Variants in RABGEF1 observed in about 807,000 individuals in gnomAD.
RABGEF1 encodes RAB guanine nucleotide exchange factor 1.
RABGEF1 carries 26 observed loss-of-function variants against 57.3 expected under a neutral mutation model. That is an observed-to-expected ratio of 0.45 (90% confidence interval 0.33 to 0.63). The LOEUF is 0.63. RABGEF1 is among the 20% of genes least tolerant of loss of function. The probability of loss-of-function intolerance (pLI) is 0.02; values close to 1 mark genes in which losing one functional copy is unlikely to be tolerated. For missense variants in RABGEF1, 464 were observed against 607.6 expected, an observed-to-expected ratio of 0.76 and a Z score of 2.48; for synonymous variants, 185 against 210.7, an observed-to-expected ratio of 0.88 and a Z score of 1.06.
chr7:66,759,076 A>G (rs1348381630), intron 1 of RABGEF1, among the ~76,000 whole-genome samples: 2 of 152,106 alleles, frequency 1.3e-5, no homozygotes, highest in Non-Finnish European at 1.5e-5. Context: ...ATTTCATCTC[A>G]TACGTAGATT....
At position 66,809,426 on chromosome 7, in the gene RABGEF1, G is replaced by A. The variant is rs572073813; in HGVS notation, c.*142G>A. 27 of 861,480 alleles carry A rather than the reference G, an allele frequency of 3.1e-5. No homozygotes were observed. Among genetic ancestry groups the A allele is most frequent in the African/African-American group, 1.2e-4 (7 of 57,976 alleles). 53.4% of individuals were successfully genotyped at this position (861,480 alleles called of 1,614,324 possible). A position where few individuals can be genotyped will look rare whatever the true frequency, so the allele number is the denominator to read the frequency against. On this transcript the variant is annotated 3_prime_UTR_variant, in exon 9 of 9. Transcript: ENST00000284957. Reference sequence around the variant, plus strand: ...AGGTACAGTATATGGGGATTGTTTCGTTTTTCCTAGCAGGGGAACCTTAGT... The same window carrying A: ...AGGTACAGTATATGGGGATTGTTTCATTTTTCCTAGCAGGGGAACCTTAGT...
Position 66,797,514 on chromosome 7 carries a change from C to T in RABGEF1, c.728+8C>T. ...CATTCAAAAGAGAATCAGGTAGTTG[C>T]TTATTTTGTTTTGCTTTGTAGTTAC... On this transcript the variant is annotated splice_region_variant and intron_variant, in intron 6 of 8. Transcript: ENST00000284957. 2 of 1,603,814 alleles carry T rather than the reference C, an allele frequency of 1.2e-6. No homozygotes were observed. The highest frequency in any genetic ancestry group is 2.2e-5 in the East Asian group (1 of 44,690).
At chr7:66,696,168 C>G (rs1792302007) in intron 1 of RABGEF1, among the ~76,000 whole-genome samples, 2 of 152,070 alleles carry the variant, frequency 1.3e-5, no homozygotes, top group Admixed American at 6.6e-5. Context: ...TGGGCTCAAG[C>G]TATCCTCTCG....
chr7:66,706,026 C>T (rs1477925914), intron 1 of RABGEF1, among the ~76,000 whole-genome samples: 1 of 150,948 alleles, frequency 6.6e-6, no homozygotes, highest in Non-Finnish European at 1.5e-5. Flanking sequence ...CCTCAGCCTC[C>T]CGAGTAGCTG....
intron 2 of RABGEF1, among the ~76,000 whole-genome samples, chr7:66,731,806 C>G (rs1173982075): frequency 1.3e-5 from 2 of 152,134 alleles, no homozygotes; most frequent in Admixed American, 6.6e-5. Flanking sequence ...TAGAGCTGCC[C>G]CAGACACTTT....
intron 2 of RABGEF1, among the ~76,000 whole-genome samples, chr7:66,732,283 C>T (rs1052459375): frequency 6.6e-6 from 1 of 152,328 alleles, no homozygotes; most frequent in South Asian, 2.1e-4. Context: ...GACACGGAGC[C>T]TCATTGAGCA....
intron 1 of RABGEF1, among the ~76,000 whole-genome samples, chr7:66,695,278 C>T (rs190409206): frequency 6.3e-4 from 96 of 152,010 alleles, no homozygotes; most frequent in Middle Eastern, 3.4e-3. Context: ...TGCCACAGCA[C>T]TCCAGCCTGA....
At chr7:66,729,141 G>C (rs1319373982) in intron 2 of RABGEF1, among the ~76,000 whole-genome samples, 1 of 151,722 alleles carries the variant, frequency 6.6e-6, no homozygotes, top group Non-Finnish European at 1.5e-5. Flanking sequence ...TAGTAGATAT[G>C]GGGTTTCACT....
Position 66,802,820 on chromosome 7 carries a change from C to T in RABGEF1, c.821-2320C>T, listed in dbSNP as rs370556851. Among the ~76,000 whole-genome samples the T allele has an allele frequency of 7.2e-5, 11 of 152,146 alleles. No homozygotes were observed. In the East Asian group the frequency reaches 1.9e-3, roughly 27 times the overall value. Reference sequence around the variant, plus strand: ...CCCTGCCTTATGGCAATAGCAGCCACACATCCAGATAAAACATAATTCACT... The same window carrying T: ...CCCTGCCTTATGGCAATAGCAGCCATACATCCAGATAAAACATAATTCACT... On this transcript the variant is annotated intron_variant, in intron 7 of 8. Transcript: ENST00000284957.
chr7:66,733,831 C>G (rs765381682), intron 2 of RABGEF1, among the ~76,000 whole-genome samples: 2 of 152,102 alleles, frequency 1.3e-5, no homozygotes, highest in Non-Finnish European at 2.9e-5. Context: ...AGTGAAACCC[C>G]GTCTCTACCA....
the RABGEF1 span, chr7:66,669,170 A>C: frequency 6.6e-6 from 1 of 152,458 alleles, no homozygotes; most frequent in Non-Finnish European, 1.5e-5. Context: ...ATCCAACTCC[A>C]AGCCTGTCTC....
At chr7:66,696,141 T>C (rs901222309) in intron 1 of RABGEF1, among the ~76,000 whole-genome samples, 1 of 152,026 alleles carries the variant, frequency 6.6e-6, no homozygotes, top group African/African-American at 2.4e-5. Context: ...TCATAGCTCA[T>C]TGCAGCCTCA....
chr7:66,760,237 A>G (rs189156125), intron 1 of RABGEF1, among the ~76,000 whole-genome samples: 14 of 152,188 alleles, frequency 9.2e-5, no homozygotes, highest in East Asian at 7.7e-4. Flanking sequence ...TGTCCTCCAT[A>G]TCTGTGGTTT....
chr7:66,759,834 C>G (rs1049323566), intron 1 of RABGEF1, among the ~76,000 whole-genome samples: 12 of 152,230 alleles, frequency 7.9e-5, no homozygotes, highest in Non-Finnish European at 1.5e-4. Context: ...GATTACAATT[C>G]AGCATGACAT....
intron 1 of RABGEF1, chr7:66,756,041 T>C: frequency 1.3e-6 from 2 of 1,501,260 alleles, no homozygotes; most frequent in Non-Finnish European, 1.8e-6. Flanking sequence ...TGCTAATAAG[T>C]CTTTTATTAG....
At chr7:66,682,053 A>C (rs1789801702), upstream of RABGEF1, 1 of 166,510 alleles carries the variant, frequency 6.0e-6, no homozygotes, top group African/African-American at 2.4e-5. Context: ...GTCATCAGCC[A>C]AAGGCCCCGG....
At chr7:66,786,255 T>C (rs1443008457) in intron 4 of RABGEF1, among the ~76,000 whole-genome samples, 3 of 152,254 alleles carry the variant, frequency 2.0e-5, no homozygotes, top group Non-Finnish European at 4.4e-5. Flanking sequence ...TAAGCCATTT[T>C]ATCTTTATCA....
intron 1 of RABGEF1, among the ~76,000 whole-genome samples, chr7:66,742,681 A>G (rs555349225): frequency 1.3e-5 from 2 of 152,248 alleles, no homozygotes; most frequent in South Asian, 4.1e-4. Flanking sequence ...ATCACGAGTC[A>G]CTGAAGTCTC....
rs138744161 is a variant in RABGEF1 at position 66,758,586 on chromosome 7, G to GGA, written c.-17-13292_-17-13291dup. ...GTCTAGGGACAGGTCTGTCTGCCCA[G>GGA]GAGAGAAGGAGTTGAGTCTCACGCA... On this transcript the variant is annotated intron_variant, in intron 1 of 8. Transcript: ENST00000284957. Among the ~76,000 whole-genome samples the GGA allele has an allele frequency of 8.2e-3, 1,248 of 152,290 alleles. 16 individuals are homozygous for GGA. Among genetic ancestry groups the GGA allele is most frequent in the African/African-American group, 0.028 (1,181 of 41,554 alleles).
Sources: gnomAD v4.1 joint callset for allele counts (sites outside exome capture counted in the v4.1 genomes callset) on GRCh38, gnomAD v4.1.1 for gene constraint, MANE v1.5 for transcripts, NCBI Gene and HGNC (gene_info 2026-07-23, HGNC 2026-07-21) for gene names.